The following RAB21 variants were observed in gnomAD, a reference collection of about 807,000 sequenced individuals.
RAB21 encodes ras-related protein Rab-21.
In RAB21, 13 loss-of-function variants were observed where a neutral mutation model predicts 33.1. The ratio of observed to expected loss-of-function variants is 0.39; its 90% confidence interval spans 0.26 to 0.62. The LOEUF is 0.62. Ranked by LOEUF, RAB21 falls within the 20% of genes least tolerant of loss-of-function variation. RAB21 has a pLI of 0.48. For missense variants in RAB21, 234 were observed against 279.1 expected, an observed-to-expected ratio of 0.84 and a Z score of 1.15; for synonymous variants, 91 against 103.7, an observed-to-expected ratio of 0.88 and a Z score of 0.74.
intron 3 of RAB21, 51 bp from the exon 4 acceptor site, chr12:71,773,905 ATAG>A: frequency 7.9e-7 from 1 of 1,273,324 alleles, no homozygotes; most frequent in East Asian, 2.4e-5. Context: ...GGGTGTTGTG[ATAG>A]TAGTAATTCC....
At chr12:71,781,751 A>G (rs1002660777) in intron 4 of RAB21, among the ~76,000 whole-genome samples, 9 of 152,144 alleles carry the variant, frequency 5.9e-5, no homozygotes, top group African/African-American at 2.2e-4. Flanking sequence ...GTATCCCCCA[A>G]AATCAAAAAA....
At chr12:71,768,714 C>T (rs1353016250) in intron 1 of RAB21, among the ~76,000 whole-genome samples, 1 of 152,034 alleles carries the variant, frequency 6.6e-6, no homozygotes, top group Non-Finnish European at 1.5e-5. Flanking sequence ...AGTCCTGTTT[C>T]TTCAAACAGT....
At chr12:71,757,392 G>C (rs927592563) in intron 1 of RAB21, among the ~76,000 whole-genome samples, 5 of 152,270 alleles carry the variant, frequency 3.3e-5, no homozygotes, top group Middle Eastern at 3.4e-3. Context: ...TTACAGGGGT[G>C]AGCCACTGCA....
At chr12:71,755,321 C>A in intron 1 of RAB21, 33 bp downstream of exon 1, 1 of 1,481,696 alleles carries the variant, frequency 6.7e-7, no homozygotes, top group Non-Finnish European at 8.9e-7. Context: ...GGGGGCGCCT[C>A]AGGGCCCCTA....
intron 1 of RAB21, among the ~76,000 whole-genome samples, chr12:71,756,968 T>A (rs889148213): frequency 2.0e-5 from 3 of 152,160 alleles, no homozygotes; most frequent in Non-Finnish European, 2.9e-5. Flanking sequence ...GGCAGGAGTG[T>A]CCAAGCTCAA....
In RAB21 at chr12:71,789,741, CATTG is replaced by C. The variant is rs1883352239; in HGVS notation, c.*4072_*4075del. ...CGCATCTACTTGATTTCATAATATGCATTGATTTTAGTATGTTGCTGTTCTGTTA... is the reference window on the plus strand; with the variant it reads ...CGCATCTACTTGATTTCATAATATGCATTTTAGTATGTTGCTGTTCTGTTA... On this transcript the variant is annotated 3_prime_UTR_variant, in exon 7 of 7. Coordinates refer to ENST00000261263, the MANE Select transcript of RAB21 (RefSeq NM_014999.4). 1 of 152,038 alleles carries C rather than the reference CATTG, an allele frequency of 6.6e-6. No homozygotes were observed. The highest frequency in any genetic ancestry group is 1.9e-4 in the East Asian group (1 of 5,186). 9.4% of individuals were successfully genotyped at this position (152,038 alleles called of 1,614,324 possible).
chr12:71,782,623 A>G lies in RAB21; in HGVS notation c.500A>G (p.Lys167Arg), dbSNP rs1475582219. 1.2e-6 allele frequency: 2 copies of G among 1,603,278 alleles called. No individual in the cohort carries two copies. Among genetic ancestry groups the G allele is most frequent in the Non-Finnish European group, 1.7e-6 (2 of 1,173,410 alleles). Residue 167 changes from lysine (K) to arginine (R), a missense_variant, in exon 6 of 7, where the codon AAA becomes AGA. By Grantham distance (26) the Lys-to-Arg change is conservative (BLOSUM62 2). Transcript: ENST00000261263. ...TATCATACTTCAGCCAAACAGAACA[A>G]AGGAATTGAGGAACTCTTTCTTGAC... Reference protein sequence around the residue: ...KHYHTSAKQNKGIEELFLDLC... With the variant: ...KHYHTSAKQNRGIEELFLDLC...
At chr12:71,773,533 G>T (rs1883074298) in intron 3 of RAB21, among the ~76,000 whole-genome samples, 1 of 152,036 alleles carries the variant, frequency 6.6e-6, no homozygotes, top group Non-Finnish European at 1.5e-5. Flanking sequence ...GTCTTTAAGT[G>T]TGTGACACTG....
At chr12:71,766,823 G>A (rs143162055) in intron 1 of RAB21, among the ~76,000 whole-genome samples, 347 of 152,174 alleles carry the variant, frequency 2.3e-3, no homozygotes, top group Middle Eastern at 6.8e-3. Flanking sequence ...GAATTGAAGA[G>A]GATGCAAAAA....
rs540421476 is a variant in RAB21, at chr12:71,792,585, A to G, written c.*6912A>G. 6.6e-6 allele frequency: 1 copy of G among 152,260 alleles called. No homozygotes were observed. The highest frequency in any genetic ancestry group is 1.5e-5 in the Non-Finnish European group (1 of 68,042). 9.4% of individuals were successfully genotyped at this position (152,260 alleles called of 1,614,324 possible). A position where few individuals can be genotyped will look rare whatever the true frequency, so the allele number is the denominator to read the frequency against. ...GACTTTAAATGAAAATTCAGAAAGC[A>G]GGTTAAGCATATATGTGAGTTTAAT... is the stretch of plus-strand genomic sequence containing the variant. On this transcript the variant is annotated 3_prime_UTR_variant, in exon 7 of 7. Transcript: ENST00000261263.
At chr12:71,767,775 G>C (rs553447929) in intron 1 of RAB21, among the ~76,000 whole-genome samples, 4 of 152,260 alleles carry the variant, frequency 2.6e-5, no homozygotes, top group African/African-American at 9.6e-5. Flanking sequence ...ATCCAATTTT[G>C]GGGAGAAGAT....
At chr12:71,772,374 A>G (rs1403768422) in intron 3 of RAB21, among the ~76,000 whole-genome samples, 1 of 152,230 alleles carries the variant, frequency 6.6e-6, no homozygotes, top group Non-Finnish European at 1.5e-5. Context: ...TTGGCACAGC[A>G]TTACTTCTGC....
Position 71,789,702 on chromosome 12 carries a change from G to A in RAB21, c.*4029G>A, listed in dbSNP as rs1475089545. The A allele has an allele frequency of 1.3e-5, 2 of 151,966 alleles. No homozygotes were observed. Among genetic ancestry groups the A allele is most frequent in the Non-Finnish European group, 2.9e-5 (2 of 67,964 alleles). 9.4% of individuals were successfully genotyped at this position (151,966 alleles called of 1,614,324 possible). ...ACCTAGGCTTTAATAGTTAAAAGCT[G>A]GAATTTATTGAACCGCATCTACTTG... On this transcript the variant is annotated 3_prime_UTR_variant, in exon 7 of 7. Transcript: ENST00000261263.
intron 3 of RAB21, 50 bp downstream of exon 3, chr12:71,770,749 A>C (rs776189690): frequency 1.6e-6 from 2 of 1,237,450 alleles, no homozygotes; most frequent in African/African-American, 3.1e-5. Context: ...TAATTTTTCA[A>C]GTTTCCATTA....
chr12:71,796,451 C>T lies in RAB21; in HGVS notation c.*10778C>T, dbSNP rs1362198724. The T allele has an allele frequency of 7.3e-6, 1 of 137,524 alleles. No individual in the cohort carries two copies. The highest frequency in any genetic ancestry group is 1.5e-5 in the Non-Finnish European group (1 of 65,960). The allele number at this position is 137,524 out of a possible 1,614,324, so 8.5% of individuals were successfully genotyped here. A position where few individuals can be genotyped will look rare whatever the true frequency, so the allele number is the denominator to read the frequency against. ...CCTGAGGAATAAATATGTGCTTTAT[C>T]AAAGTGGAACTTCTGATTTTCTGTA... On this transcript the variant is annotated 3_prime_UTR_variant, in exon 7 of 7. Transcript: ENST00000261263.
Position 71,773,970 on chromosome 12 carries a change from G to A in RAB21, c.339G>A (p.Trp113Ter). ...TTTTGTATATACAGGTAAAAAACTG[G>A]GTCAAAGAATTACGGAAAATGTTGG... ...DEDSFQKVKN[W>*]VKELRKMLGN... Residue 113 changes from tryptophan (W) to a stop codon, truncating the protein, a stop_gained, in exon 4 of 7, where the codon TGG (tryptophan) becomes TGA (stop). Coordinates refer to ENST00000261263, the MANE Select transcript of RAB21 (RefSeq NM_014999.4). LOFTEE classifies it high-confidence loss of function. 1 of 1,590,836 alleles carries A rather than the reference G, an allele frequency of 6.3e-7. No individual in the cohort carries two copies. Among genetic ancestry groups the A allele is most frequent in the Non-Finnish European group, 8.6e-7 (1 of 1,168,048 alleles).
rs1883502851 is a variant in RAB21 at position 71,799,006 on chromosome 12, TGTTACGAG to T, written c.*13336_*13343del. On this transcript the variant is annotated 3_prime_UTR_variant, in exon 7 of 7. Coordinates refer to ENST00000261263, the MANE Select transcript of RAB21 (RefSeq NM_014999.4). ...GAGGCCAAGTTTTGAAGTTCTTGAA[TGTTACGAG>T]GTAGTGAAAAACGTTTCCATGCAGC... 1 of 152,264 alleles carries T rather than the reference TGTTACGAG, an allele frequency of 6.6e-6. No homozygotes were observed. The highest frequency in any genetic ancestry group is 1.5e-5 in the Non-Finnish European group (1 of 68,046). The allele number at this position is 152,264 out of a possible 1,614,324, so 9.4% of individuals were successfully genotyped here. A position where few individuals can be genotyped will look rare whatever the true frequency, so the allele number is the denominator to read the frequency against.
chr12:71,800,033 C>G lies in RAB21; in HGVS notation c.*14360C>G, dbSNP rs185371149. The G allele has an allele frequency of 1.3e-5, 2 of 151,468 alleles. No individual in the cohort carries two copies. Among genetic ancestry groups the G allele is most frequent in the East Asian group, 3.9e-4 (2 of 5,144 alleles). The allele number at this position is 151,468 out of a possible 1,614,324, so 9.4% of individuals were successfully genotyped here. A position where few individuals can be genotyped will look rare whatever the true frequency, so the allele number is the denominator to read the frequency against. ...GGTTGCAGTGAGCCAAGATCATGCC[C>G]CTGTACTCCAGCCTGAGCAACAGAG... On this transcript the variant is annotated 3_prime_UTR_variant, in exon 7 of 7. Coordinates refer to ENST00000261263, the MANE Select transcript of RAB21 (RefSeq NM_014999.4).
intron 4 of RAB21, among the ~76,000 whole-genome samples, chr12:71,777,691 C>CT (rs1488643952): frequency 1.3e-5 from 2 of 152,194 alleles, no homozygotes; most frequent in Admixed American, 1.3e-4. Context: ...AAACGGCTCA[C>CT]TTTAAGTCTT....
Sources: allele counts gnomAD v4.1 joint callset (sites outside exome capture counted in the v4.1 genomes callset), GRCh38; gene constraint gnomAD v4.1.1; transcripts MANE v1.5; gene names NCBI Gene and HGNC (gene_info 2026-07-23, HGNC 2026-07-21).